APBA2: variants seen among roughly 807,000 people sequenced by gnomAD.
APBA2 encodes amyloid beta precursor protein binding family A member 2, also known as amyloid-beta A4 precursor protein-binding family A member 2.
APBA2 carries 30 observed loss-of-function variants against 75.0 expected under a neutral mutation model. The ratio of observed to expected loss-of-function variants is 0.40; its 90% confidence interval spans 0.30 to 0.54. The LOEUF is 0.54. APBA2 is among the 20% of genes least tolerant of loss of function. The probability of loss-of-function intolerance (pLI) is 0.49; values close to 1 mark genes in which losing one functional copy is unlikely to be tolerated. For synonymous variants in APBA2, 444 were observed against 409.6 expected, an observed-to-expected ratio of 1.08 and a Z score of -1.01; for missense variants, 801 against 1,016.1, an observed-to-expected ratio of 0.79 and a Z score of 2.88.
At chr15:29,011,126 A>G (rs1459053469) in intron 3 of APBA2, among the ~76,000 whole-genome samples, 1 of 152,190 alleles carries the variant, frequency 6.6e-6, no homozygotes, top group Non-Finnish European at 1.5e-5. Flanking sequence ...TGCTTAGTAC[A>G]GTGTCCTCAA....
intron 2 of APBA2, chr15:28,990,925 C>T (rs2038194691): frequency 6.6e-6 from 1 of 152,198 alleles, no homozygotes; most frequent in Non-Finnish European, 1.5e-5. Flanking sequence ...GGAAGTTAGA[C>T]TCTTGAAGAC....
rs2033662774 is a variant in APBA2, at chr15:28,915,770, T to G, written c.-204-5870T>G. The stretch of plus-strand genomic sequence containing the variant: ...CACACTCAACTCTTCCACACTACAT[T>G]ACACTCCACACACACACCACACACA... On this transcript the variant is annotated intron_variant, in intron 1 of 14. Coordinates refer to ENST00000683413, the MANE Select transcript of APBA2 (RefSeq NM_001353788.2). Among the ~76,000 whole-genome samples, 3 of 139,618 alleles carry G rather than the reference T, an allele frequency of 2.1e-5. No homozygotes were observed. In the South Asian group the frequency reaches 6.9e-4, roughly 32 times the overall value. 91.6% of individuals were successfully genotyped at this position (139,618 alleles called of 152,430 possible). A position where few individuals can be genotyped will look rare whatever the true frequency, so the allele number is the denominator to read the frequency against.
At chr15:29,072,955 A>G (rs999037653) in intron 4 of APBA2, among the ~76,000 whole-genome samples, 2 of 152,066 alleles carry the variant, frequency 1.3e-5, no homozygotes, top group African/African-American at 4.8e-5. Context: ...CTCCCTCGCC[A>G]TCCTTAAAGC....
chr15:28,989,776 C>T, intron 2 of APBA2, among the ~76,000 whole-genome samples: 1 of 152,296 alleles, frequency 6.6e-6, no homozygotes, highest in African/African-American at 2.4e-5. Flanking sequence ...TCTCCGCACT[C>T]CCTGGGGTCA....
chr15:28,992,348 G>A (rs1227612436), intron 2 of APBA2, among the ~76,000 whole-genome samples: 2 of 152,180 alleles, frequency 1.3e-5, no homozygotes, highest in African/African-American at 4.8e-5. Context: ...TCTTCTTTAA[G>A]GAATATTTAG....
At chr15:28,930,777 C>T (rs1383411654) in intron 2 of APBA2, among the ~76,000 whole-genome samples, 1 of 152,166 alleles carries the variant, frequency 6.6e-6, no homozygotes, top group East Asian at 1.9e-4. Context: ...ACTTGCAGCT[C>T]TTCCCTGCGA....
intron 4 of APBA2, 29 bp from the exon 5 acceptor site, chr15:29,074,892 A>G (rs2042780463): frequency 6.2e-7 from 1 of 1,610,294 alleles, no homozygotes; most frequent in Non-Finnish European, 8.5e-7. Flanking sequence ...AACATATAAA[A>G]TCACGATCTT....
intron 3 of APBA2, among the ~76,000 whole-genome samples, chr15:29,045,057 CT>C: frequency 7.0e-6 from 1 of 142,564 alleles, no homozygotes; most frequent in Middle Eastern, 3.5e-3. Flanking sequence ...TCCTCTCTCC[CT>C]CCCTCCCTCC....
At chr15:29,069,827 G>T (rs2042541680) in intron 4 of APBA2, among the ~76,000 whole-genome samples, 1 of 152,252 alleles carries the variant, frequency 6.6e-6, no homozygotes, top group Non-Finnish European at 1.5e-5. Flanking sequence ...ACTTGACAAA[G>T]CCTCAAAATG....
chr15:29,112,924 A>G (rs2044815183), intron 13 of APBA2, among the ~76,000 whole-genome samples: 1 of 151,856 alleles, frequency 6.6e-6, no homozygotes. Context: ...TGACTACCCC[A>G]GGTACCTCAT....
intron 3 of APBA2, among the ~76,000 whole-genome samples, chr15:29,034,416 A>G (rs2040641920): frequency 6.6e-6 from 1 of 152,192 alleles, no homozygotes; most frequent in Non-Finnish European, 1.5e-5. Flanking sequence ...CCAAGGATGT[A>G]GAGGCTCCCT....
chr15:29,042,168 T>C (rs925505845), intron 3 of APBA2, among the ~76,000 whole-genome samples: 2 of 152,210 alleles, frequency 1.3e-5, no homozygotes, highest in Non-Finnish European at 2.9e-5. Context: ...TGTGACTGTC[T>C]CCACAATTCC....
intron 2 of APBA2, among the ~76,000 whole-genome samples, chr15:28,976,592 G>A (rs1818490759): frequency 6.6e-6 from 1 of 152,180 alleles, no homozygotes; most frequent in South Asian, 2.1e-4. Flanking sequence ...CAATTGAGAT[G>A]ATCTGTTAAT....
chr15:29,053,633 C>T (rs1040672207), intron 3 of APBA2, among the ~76,000 whole-genome samples: 1 of 152,058 alleles, frequency 6.6e-6, no homozygotes, highest in African/African-American at 2.4e-5. Flanking sequence ...ACTGCTTTTC[C>T]CGGAGCTCTG....
At chr15:28,956,500 T>C (rs979874159) in intron 2 of APBA2, among the ~76,000 whole-genome samples, 5 of 152,208 alleles carry the variant, frequency 3.3e-5, no homozygotes, top group African/African-American at 9.6e-5. Flanking sequence ...CTTTATCCAG[T>C]GGGTCATGGA....
chr15:28,905,685 C>A (rs2033098055), intron 1 of APBA2, among the ~76,000 whole-genome samples: 1 of 152,186 alleles, frequency 6.6e-6, no homozygotes, highest in Non-Finnish European at 1.5e-5. Context: ...GCCACCGCAC[C>A]TGGCTTGATA....
chr15:28,988,713 G>A (rs947005541), intron 2 of APBA2, among the ~76,000 whole-genome samples: 4 of 152,202 alleles, frequency 2.6e-5, no homozygotes, highest in Non-Finnish European at 4.4e-5. Context: ...GCTTAGTTGG[G>A]TTCCTGTGAC....
At chr15:28,984,172 G>A (rs2037773691) in intron 2 of APBA2, among the ~76,000 whole-genome samples, 2 of 152,144 alleles carry the variant, frequency 1.3e-5, no homozygotes, top group Non-Finnish European at 2.9e-5. Context: ...GGCTCACAGT[G>A]GGGTTGAAAG....
intron 1 of APBA2, among the ~76,000 whole-genome samples, chr15:28,906,182 A>G (rs1204792346): frequency 6.6e-6 from 1 of 152,178 alleles, no homozygotes; most frequent in Non-Finnish European, 1.5e-5. Context: ...GCATAGCAGC[A>G]TTATTCTTTT....
Sources: allele counts gnomAD v4.1 joint callset (sites outside exome capture counted in the v4.1 genomes callset), GRCh38; gene constraint gnomAD v4.1.1; transcripts MANE v1.5; gene names NCBI Gene and HGNC (gene_info 2026-07-23, HGNC 2026-07-21).